The following ZNF248 variants were observed in gnomAD, a reference collection of about 807,000 sequenced individuals.
The protein encoded by ZNF248 is zinc finger protein 248.
ZNF248 carries 20 observed loss-of-function variants against 44.3 expected under a neutral mutation model. The observed-to-expected ratio is 0.45, with a 90% confidence interval of 0.32 to 0.66. The LOEUF is 0.66. Ranked by LOEUF, ZNF248 falls within the 30% of genes least tolerant of loss-of-function variation. The pLI, the probability that ZNF248 is intolerant of heterozygous loss-of-function variation, is 0.04. For missense variants in ZNF248, 654 were observed against 677.0 expected (o/e 0.97, Z 0.38); for synonymous variants, 224 against 229.0 (o/e 0.98, Z 0.20).
intron 3 of ZNF248, among the ~76,000 whole-genome samples, chr10:37,843,467 G>C (rs1564633078): frequency 6.6e-6 from 1 of 151,642 alleles, no homozygotes; most frequent in African/African-American, 2.4e-5. Flanking sequence ...CAAACCTTGG[G>C]GAAGCGTAAA....
At chr10:37,804,483 G>T (rs1231845928) in intron 6 of ZNF248, among the ~76,000 whole-genome samples, 2 of 151,714 alleles carry the variant, frequency 1.3e-5, no homozygotes, top group Admixed American at 6.6e-5. Flanking sequence ...ACCCAGACTG[G>T]AGTGCAGTGT....
Position 37,831,159 on chromosome 10 carries a change from C to A in ZNF248, c.*456G>T. 1 of 1,508,740 alleles carries A rather than the reference C, an allele frequency of 6.6e-7. No homozygotes were observed. The highest frequency in any genetic ancestry group is 8.9e-7 in the Non-Finnish European group (1 of 1,126,398). 93.5% of individuals were successfully genotyped at this position (1,508,740 alleles called of 1,614,324 possible). ...TAGTTACTCAATTAAGGGTACGTAT[C>A]TTCTCCTTATGATCATGTTGAGTTC... On this transcript the variant is annotated 3_prime_UTR_variant, in exon 6 of 6. Transcript: ENST00000395867.
At chr10:37,818,936 C>G in intron 6 of ZNF248, 1 of 1,110,898 alleles carries the variant, frequency 9.0e-7, no homozygotes, top group Non-Finnish European at 1.4e-6. Context: ...GACCACACAA[C>G]AATTTTATTT....
At chr10:37,783,694 C>A (rs2047565566) in intron 6 of ZNF248, among the ~76,000 whole-genome samples, 1 of 152,188 alleles carries the variant, frequency 6.6e-6, no homozygotes. Context: ...ACCCAGTTTT[C>A]CTCCTTGAAC....
chr10:37,856,458 A>C lies in ZNF248; in HGVS notation c.-51T>G. ...ACGTGTCCATGTGTGGCTCCGATAT[A>C]TGCTGAGCTCAGACATGACACTTTT... is the stretch of plus-strand genomic sequence containing the variant. On this transcript the variant is annotated 5_prime_UTR_variant, in exon 2 of 6. Transcript: ENST00000395867. 7.2e-7 allele frequency: 1 copy of C among 1,382,042 alleles called. No individual in the cohort carries two copies. 85.6% of individuals were successfully genotyped at this position (1,382,042 alleles called of 1,614,324 possible).
intron 6 of ZNF248, among the ~76,000 whole-genome samples, chr10:37,778,200 G>GT (rs2046834067): frequency 6.6e-6 from 1 of 151,686 alleles, no homozygotes; most frequent in Non-Finnish European, 1.5e-5. Flanking sequence ...AGCACCTGTT[G>GT]TTTCCTGACT....
intron 6 of ZNF248, among the ~76,000 whole-genome samples, chr10:37,822,687 A>G (rs1011104631): frequency 7.2e-5 from 11 of 152,144 alleles, no homozygotes; most frequent in African/African-American, 2.7e-4. Context: ...GTGGGCCACA[A>G]TGGAAGGAAG....
intron 6 of ZNF248, among the ~76,000 whole-genome samples, chr10:37,783,640 G>C (rs555348216): frequency 2.0e-5 from 3 of 152,282 alleles, no homozygotes; most frequent in Admixed American, 6.5e-5. Flanking sequence ...AGAATGGATG[G>C]GTTGACATTA....
intron 3 of ZNF248, among the ~76,000 whole-genome samples, chr10:37,855,495 C>A (rs1298458405): frequency 1.3e-5 from 2 of 151,892 alleles, no homozygotes; most frequent in Non-Finnish European, 1.5e-5. Context: ...CCTAAGTAGG[C>A]TAAGGATGGA....
intron 6 of ZNF248, chr10:37,820,188 G>A: frequency 8.1e-7 from 1 of 1,240,310 alleles, no homozygotes; most frequent in Non-Finnish European, 1.2e-6. Context: ...GTTTTCTAGT[G>A]CAGATATTTT....
chr10:37,763,782 T>G, the ZNF248 span, among the ~76,000 whole-genome samples: 2 of 152,224 alleles, frequency 1.3e-5, no homozygotes, highest in Non-Finnish European at 2.9e-5. Context: ...AAATTAATAC[T>G]TTTATAATTT....
At chr10:37,793,902 G>A (rs2048843128) in intron 6 of ZNF248, among the ~76,000 whole-genome samples, 1 of 152,090 alleles carries the variant, frequency 6.6e-6, no homozygotes, top group Admixed American at 6.6e-5. Flanking sequence ...TCCACGTTAA[G>A]ATCCCTAAAA....
At chr10:37,778,990 A>G (rs1373018209) in intron 6 of ZNF248, among the ~76,000 whole-genome samples, 2 of 152,206 alleles carry the variant, frequency 1.3e-5, no homozygotes, top group Non-Finnish European at 2.9e-5. Context: ...TGAATAGACC[A>G]ATAACAGGAT....
At chr10:37,845,116 G>T (rs1444260820) in intron 3 of ZNF248, among the ~76,000 whole-genome samples, 1 of 151,738 alleles carries the variant, frequency 6.6e-6, no homozygotes, top group East Asian at 1.9e-4. Flanking sequence ...CCCAGAGGCT[G>T]GCTCAAGCGA....
chr10:37,824,776 G>A (rs544921693), downstream of ZNF248, among the ~76,000 whole-genome samples: 18 of 126,268 alleles, frequency 1.4e-4, no homozygotes, highest in South Asian at 2.7e-4. Context: ...CCACCTCTCC[G>A]GTTCACACCA....
chr10:37,765,962 C>A, the ZNF248 span, among the ~76,000 whole-genome samples: 1 of 152,244 alleles, frequency 6.6e-6, no homozygotes, highest in Admixed American at 6.5e-5. Context: ...GAGATTATAT[C>A]CCACACATGG....
chr10:37,765,310 T>C, the ZNF248 span, among the ~76,000 whole-genome samples: 29 of 152,304 alleles, frequency 1.9e-4, no homozygotes, highest in East Asian at 3.5e-3. Flanking sequence ...AATGGAATTA[T>C]GTGGCGATTT....
At chr10:37,772,829 A>G (rs565541601), downstream of ZNF248, among the ~76,000 whole-genome samples, 3 of 152,356 alleles carry the variant, frequency 2.0e-5, no homozygotes, top group Non-Finnish European at 4.4e-5. Context: ...ATGAAGTAAC[A>G]GCGTTCCACA....
At chr10:37,837,511 TA>T in intron 5 of ZNF248, 105 bp downstream of exon 5, 1 of 911,794 alleles carries the variant, frequency 1.1e-6, no homozygotes, top group Non-Finnish European at 1.7e-6. Flanking sequence ...GGTCTGGGGC[TA>T]AAAAGAGACA....
Sources: allele counts gnomAD v4.1 joint callset (sites outside exome capture counted in the v4.1 genomes callset), GRCh38; gene constraint gnomAD v4.1.1; transcripts MANE v1.5; gene names NCBI Gene and HGNC (gene_info 2026-07-23, HGNC 2026-07-21).